The following MBOAT2 variants were observed in gnomAD, a reference collection of about 807,000 sequenced individuals.
MBOAT2 encodes membrane-bound glycerophospholipid O-acyltransferase 2.
Under a neutral mutation model 63.4 loss-of-function variants are expected in MBOAT2, and 28 were observed. The ratio of observed to expected loss-of-function variants is 0.44; its 90% CI spans 0.33 to 0.61. The LOEUF is 0.61. MBOAT2 is among the 20% of genes least tolerant of loss of function. The pLI, the probability that MBOAT2 is intolerant of heterozygous loss-of-function variation, is 0.03. For synonymous variants in MBOAT2, 211 were observed against 215.6 expected (o/e 0.98, Z 0.19); for missense variants, 470 against 605.8 (o/e 0.78, Z 2.35).
intron 1 of MBOAT2, among the ~76,000 whole-genome samples, chr2:8,998,302 A>C (rs1480680649): frequency 1.3e-5 from 2 of 152,210 alleles, no homozygotes; most frequent in African/African-American, 4.8e-5. Context: ...AATGCTCATT[A>C]TGAGTGTAAA....
intron 3 of MBOAT2, among the ~76,000 whole-genome samples, chr2:8,929,100 T>A (rs1362496595): frequency 6.6e-6 from 1 of 152,086 alleles, no homozygotes; most frequent in Non-Finnish European, 1.5e-5. Context: ...CAAAAATAGA[T>A]CTCTAAATTG....
At chr2:8,991,854 TTTA>T (rs1179973038) in intron 1 of MBOAT2, among the ~76,000 whole-genome samples, 7 of 152,208 alleles carry the variant, frequency 4.6e-5, no homozygotes, top group Non-Finnish European at 1.0e-4. Context: ...CGAACATTCC[TTTA>T]TGGTCATCAT....
chr2:8,975,799 A>C (rs1210817946), intron 1 of MBOAT2, among the ~76,000 whole-genome samples: 8 of 148,972 alleles, frequency 5.4e-5, no homozygotes, highest in Admixed American at 5.4e-4. Context: ...GAACAATACA[A>C]AAAAAAAAAA....
Position 9,003,507 on chromosome 2 carries a change from C to G in MBOAT2, c.75+33G>C. The G allele has an allele frequency of 8.5e-7, 1 of 1,174,696 alleles. No homozygotes were observed. The highest frequency in any genetic ancestry group is 1.1e-6 in the Non-Finnish European group (1 of 951,204). The allele number at this position is 1,174,696 out of a possible 1,614,324, so 72.8% of individuals were successfully genotyped here. A position where few individuals can be genotyped will look rare whatever the true frequency, so the allele number is the denominator to read the frequency against. ...CCGCGGCGGGGAGGGGCGGCGAGGG[C>G]GCGACGCCCGGCGCCAGGGCGCCTC... is the stretch of plus-strand genomic sequence containing the variant. On this transcript the variant is annotated intron_variant, in intron 1 of 12. Transcript: ENST00000305997. The surrounding 1 kb of genome is among the most constrained non-coding windows in gnomAD (Gnocchi z 5.4).
Position 8,858,865 on chromosome 2 carries a change from T to C in MBOAT2, c.1377A>G (p.Val459=). ...TTTTTTTCACTGGCAACAACAATAA[T>C]ACTAAGATACCAAGAATGTGCAGGC... ...YYCLHILGIL[V]LLLLPVKKTQ... is the part of the protein sequence containing the mutation. Residue 459 remains valine (V), a synonymous_variant, in exon 13 of 13, where the codon GTA becomes GTG. Transcript: ENST00000305997. 1.9e-6 allele frequency: 3 copies of C among 1,613,276 alleles called. No homozygotes were observed. Among genetic ancestry groups the C allele is most frequent in the Non-Finnish European group, 2.5e-6 (3 of 1,179,842 alleles).
In MBOAT2 at chr2:8,948,531, C is replaced by T. The variant is rs112325972; in HGVS notation, c.222-5267G>A. On this transcript the variant is annotated intron_variant, in intron 2 of 12. Transcript: ENST00000305997. ...TAGTAGTCCCCAGTGACCACTGCTGCCATCTTTATGTCCATGAGTACCCAA... is the reference window on the plus strand; with the variant it reads ...TAGTAGTCCCCAGTGACCACTGCTGTCATCTTTATGTCCATGAGTACCCAA... 4.9e-3 allele frequency among the ~76,000 whole-genome samples: 752 copies of T among 152,292 alleles called. 9 individuals are homozygous for T. The highest frequency in any genetic ancestry group is 0.02 in the South Asian group (97 of 4,826).
chr2:8,971,256 C>A (rs145786368), intron 1 of MBOAT2, among the ~76,000 whole-genome samples: 2 of 152,060 alleles, frequency 1.3e-5, no homozygotes, highest in Non-Finnish European at 1.5e-5. Context: ...ACAGAACCAA[C>A]GACAAAAACC....
intron 4 of MBOAT2, among the ~76,000 whole-genome samples, chr2:8,891,010 T>C (rs1663953176): frequency 6.6e-6 from 1 of 152,248 alleles, no homozygotes; most frequent in South Asian, 2.1e-4. Context: ...TACTCAACAG[T>C]TAGGAACACA....
At chr2:8,910,203 G>T (rs904664323) in intron 3 of MBOAT2, among the ~76,000 whole-genome samples, 1 of 152,052 alleles carries the variant, frequency 6.6e-6, no homozygotes, top group African/African-American at 2.4e-5. Context: ...AGAAAAGGTG[G>T]GATAAAGGAA....
chr2:8,987,050 A>C (rs1003916897), intron 1 of MBOAT2, among the ~76,000 whole-genome samples: 1 of 152,198 alleles, frequency 6.6e-6, no homozygotes, highest in Non-Finnish European at 1.5e-5. Flanking sequence ...AAATCTATCA[A>C]ATAAAGTATA....
At chr2:8,907,579 C>T (rs1295930643) in intron 4 of MBOAT2, among the ~76,000 whole-genome samples, 2 of 152,198 alleles carry the variant, frequency 1.3e-5, no homozygotes, top group African/African-American at 2.4e-5. Context: ...TATCCATAAA[C>T]TAGATGGCCA....
At chr2:8,873,042 C>T (rs969045259) in intron 8 of MBOAT2, 66 bp downstream of exon 8, 31 of 1,442,942 alleles carry the variant, frequency 2.1e-5, no homozygotes, top group Middle Eastern at 3.6e-4. Context: ...GCACTGATAG[C>T]AATCTATCGA....
intron 4 of MBOAT2, among the ~76,000 whole-genome samples, chr2:8,905,442 T>C (rs1178846840): frequency 6.6e-6 from 1 of 152,172 alleles, no homozygotes; most frequent in Admixed American, 6.5e-5. Context: ...TCACTGATAA[T>C]GGTCAAAAGT....
chr2:8,876,149 T>C (rs533042183), intron 7 of MBOAT2, among the ~76,000 whole-genome samples: 1 of 152,360 alleles, frequency 6.6e-6, no homozygotes, highest in South Asian at 2.1e-4. Context: ...ACTTAGCCTA[T>C]ACAGAGCCTC....
chr2:8,886,639 T>A (rs929786085), intron 5 of MBOAT2, among the ~76,000 whole-genome samples: 21 of 152,310 alleles, frequency 1.4e-4, no homozygotes, highest in African/African-American at 5.1e-4. Context: ...CTAATCACAA[T>A]CTAAACTGTT....
intron 12 of MBOAT2, among the ~76,000 whole-genome samples, chr2:8,860,303 T>G (rs904073538): frequency 6.6e-6 from 1 of 151,282 alleles, no homozygotes; most frequent in South Asian, 2.1e-4. Flanking sequence ...GGTTAGCTGG[T>G]TTTTTCCCCA....
chr2:8,961,495 A>C (rs1055286712), intron 1 of MBOAT2, among the ~76,000 whole-genome samples: 1 of 152,200 alleles, frequency 6.6e-6, no homozygotes, highest in Non-Finnish European at 1.5e-5. Context: ...ACACTGTCAG[A>C]GCACACATGC....
At chr2:8,979,585 C>T (rs1185049963) in intron 1 of MBOAT2, among the ~76,000 whole-genome samples, 1 of 152,092 alleles carries the variant, frequency 6.6e-6, no homozygotes, top group Non-Finnish European at 1.5e-5. Context: ...CTTGCAAGCT[C>T]ATGTTTCCTT....
rs560511056 is a variant in MBOAT2 at position 9,003,248 on chromosome 2, G to A, written c.75+292C>T. 1.0e-3 allele frequency among the ~76,000 whole-genome samples: 156 copies of A among 152,274 alleles called. 1 individual carries two copies. The highest frequency in any genetic ancestry group is 2.0e-3 in the Non-Finnish European group (136 of 68,006). ...CTGCCGCGAAGGGCAGGGACCGCAT[G>A]CACACCCGCACGCCCATACGACCAC... On this transcript the variant is annotated intron_variant, in intron 1 of 12. Transcript: ENST00000305997. This position sits in a 1 kb window ranked among gnomAD's most constrained non-coding sequence, Gnocchi z 5.4.
Sources: gnomAD v4.1 joint callset for allele counts (sites outside exome capture counted in the v4.1 genomes callset) on GRCh38, gnomAD v4.1.1 for gene constraint, Gnocchi (gnomAD v3.1) non-coding constraint, MANE v1.5 for transcripts, NCBI Gene and HGNC (gene_info 2026-07-23, HGNC 2026-07-21) for gene names.